ZNF141: variants seen among roughly 807,000 people sequenced by gnomAD.
ZNF141 encodes the protein zinc finger protein 141 (clone pHZ-44).
Under a neutral mutation model 11.3 loss-of-function variants are expected in ZNF141, and 7 were observed. The ratio of observed to expected loss-of-function variants is 0.62; its 90% CI spans 0.35 to 1.16. ZNF141 has a LOEUF of 1.16. Ranked by LOEUF, ZNF141 falls within the 50% of genes most tolerant of loss-of-function variation. The pLI, the probability that ZNF141 is intolerant of heterozygous loss-of-function variation, is 0.02. For missense variants in ZNF141, 535 were observed against 554.0 expected (o/e 0.97, Z 0.34); for synonymous variants, 183 against 190.7 (o/e 0.96, Z 0.33).
Position 373,836 on chromosome 4 carries a change from A to C in ZNF141, c.1399A>C (p.Asn467His). 6.2e-7 allele frequency: 1 copy of C among 1,605,806 alleles called. No individual in the cohort carries two copies. ...DKAFKRFSHL[N>H]KHKKIHT Reference sequence around the variant, plus strand: ...AGCCTTTAAACGGTTCTCACACCTGAATAAACATAAGAAAATTCATACTTG... The same window carrying C: ...AGCCTTTAAACGGTTCTCACACCTGCATAAACATAAGAAAATTCATACTTG... The change falls in exon 4 of 4, where the codon AAT (asparagine) becomes CAT (histidine). Residue 467 changes from asparagine (N) to histidine (H), a missense_variant. Coordinates refer to ENST00000240499, the MANE Select transcript of ZNF141 (RefSeq NM_003441.4).
At chr4:371,917 T>C (rs755081077) in intron 3 of ZNF141, among the ~76,000 whole-genome samples, 4 of 152,256 alleles carry the variant, frequency 2.6e-5, no homozygotes, top group Non-Finnish European at 4.4e-5. Context: ...GGTTGTTATT[T>C]GTACATTAAC....
intron 3 of ZNF141, chr4:350,364 G>C (rs1238433478): frequency 2.8e-6 from 1 of 358,702 alleles, no homozygotes; most frequent in Non-Finnish European, 5.8e-6. Context: ...TATAAAAATG[G>C]AATCATGCAT....
At chr4:372,394 A>G (rs1712111639) in intron 3 of ZNF141, among the ~76,000 whole-genome samples, 1 of 152,202 alleles carries the variant, frequency 6.6e-6, no homozygotes, top group South Asian at 2.1e-4. Context: ...TTGGTGGGTA[A>G]ATGTAACAAA....
intron 3 of ZNF141, among the ~76,000 whole-genome samples, chr4:369,764 A>ATATATATATATATATT: frequency 2.1e-5 from 1 of 48,742 alleles, no homozygotes. Flanking sequence ...ATATATATAT[A>ATATATATATATATATT]TTTTTTTTTT....
intron 3 of ZNF141, among the ~76,000 whole-genome samples, chr4:371,466 G>A (rs956294634): frequency 2.0e-5 from 3 of 151,432 alleles, no homozygotes; most frequent in African/African-American, 4.9e-5. Context: ...TCTTGACCTC[G>A]TGATCTGCCC....
Position 373,835 on chromosome 4 carries a change from G to A in ZNF141, c.1398G>A (p.Leu466=). 6.2e-7 allele frequency: 1 copy of A among 1,605,374 alleles called. No individual in the cohort carries two copies. Among genetic ancestry groups the A allele is most frequent in the Non-Finnish European group, 8.5e-7 (1 of 1,175,772 alleles). ...CDKAFKRFSH[L]NKHKKIHT ...AAGCCTTTAAACGGTTCTCACACCT[G>A]AATAAACATAAGAAAATTCATACTT... Residue 466 remains leucine, a synonymous_variant, in exon 4 of 4, where the codon CTG becomes CTA. Coordinates refer to ENST00000240499, the MANE Select transcript of ZNF141 (RefSeq NM_003441.4).
chr4:355,523 A>T (rs547680364), intron 3 of ZNF141, among the ~76,000 whole-genome samples: 311 of 152,214 alleles, frequency 2.0e-3, no homozygotes, highest in Middle Eastern at 0.014. Context: ...ATTTTTTTCT[A>T]GATGTCTATT....
Position 383,824 on chromosome 4 carries a change from T to G in ZNF141, c.*9962T>G, listed in dbSNP as rs1712773126. Reference sequence around the variant, plus strand: ...TTTGATTAGCCAAGGACCAAATCCTTCATTCAGATAAGGGGTAGCTGATAG... The same window carrying G: ...TTTGATTAGCCAAGGACCAAATCCTGCATTCAGATAAGGGGTAGCTGATAG... On this transcript the variant is annotated 3_prime_UTR_variant, in exon 4 of 4. Coordinates refer to ENST00000240499, the MANE Select transcript of ZNF141 (RefSeq NM_003441.4). 6.6e-6 allele frequency: 1 copy of G among 152,290 alleles called. No homozygotes were observed. The allele number at this position is 152,290 out of a possible 1,614,324, so 9.4% of individuals were successfully genotyped here.
At position 383,141 on chromosome 4, in the gene ZNF141, A is replaced by T. The variant is rs782554980; in HGVS notation, c.*9279A>T. The T allele has an allele frequency of 9.3e-5, 65 of 701,658 alleles. 2 individuals carry two copies. The South Asian group carries it at 9.6e-4, about 10-fold the overall frequency. 43.5% of individuals were successfully genotyped at this position (701,658 alleles called of 1,614,324 possible). ...ACAAGCCCATTTTAGCTTTCTGGAG[A>T]ATAGCATCTGAGAAAAGCCAAAGTG... On this transcript the variant is annotated 3_prime_UTR_variant, in exon 4 of 4. Coordinates refer to ENST00000240499, the MANE Select transcript of ZNF141 (RefSeq NM_003441.4).
intron 3 of ZNF141, among the ~76,000 whole-genome samples, chr4:358,929 G>C (rs2108708267): frequency 6.6e-6 from 1 of 152,234 alleles, no homozygotes; most frequent in South Asian, 2.1e-4. Flanking sequence ...ACATTTTCTA[G>C]ATCTGTGTTT....
chr4:344,730 G>T (rs1221200507), intron 3 of ZNF141, among the ~76,000 whole-genome samples: 17 of 152,114 alleles, frequency 1.1e-4, no homozygotes, highest in Non-Finnish European at 2.1e-4. Context: ...GGAGGCGGAG[G>T]TTGCAGTGAG....
At chr4:355,848 C>G (rs1721815762) in intron 3 of ZNF141, among the ~76,000 whole-genome samples, 2 of 152,168 alleles carry the variant, frequency 1.3e-5, no homozygotes, top group Non-Finnish European at 2.9e-5. Context: ...CACATCACAA[C>G]ATGACCAAAG....
chr4:376,631 T>TGTA lies in ZNF141; in HGVS notation c.*2769_*2770insGTA, dbSNP rs1712378722. ...AAACTTATACAAACTTTAGTTCCATTTACATGAAGTTAAGTATGTAAATGT... is the reference window on the plus strand; with the variant it reads ...AAACTTATACAAACTTTAGTTCCATTGTATACATGAAGTTAAGTATGTAAATGT... On this transcript the variant is annotated 3_prime_UTR_variant, in exon 4 of 4. Transcript: ENST00000240499. Among the ~76,000 whole-genome samples the TGTA allele has an allele frequency of 1.3e-5, 2 of 152,026 alleles. No homozygotes were observed. Among genetic ancestry groups the TGTA allele is most frequent in the Non-Finnish European group, 2.9e-5 (2 of 67,936 alleles).
In ZNF141 at chr4:381,887, A is replaced by C. The variant is rs1553855732; in HGVS notation, c.*8025A>C. Among the ~76,000 whole-genome samples the C allele has an allele frequency of 6.6e-6, 1 of 150,864 alleles. No individual in the cohort carries two copies. Among genetic ancestry groups the C allele is most frequent in the African/African-American group, 2.5e-5 (1 of 40,772 alleles). ...GGGCCACCAGAAGGGTCAAGATGAA[A>C]TTGCTCAGAGAAACAGGAGGGCTGA... On this transcript the variant is annotated 3_prime_UTR_variant, in exon 4 of 4. Transcript: ENST00000240499.
rs139389144 is a variant in ZNF141 at position 373,954 on chromosome 4, C to T, written c.*92C>T. 8.4e-7 allele frequency: 1 copy of T among 1,185,004 alleles called. No individual in the cohort carries two copies. The highest frequency in any genetic ancestry group is 2.3e-5 in the East Asian group (1 of 42,684). The allele number at this position is 1,185,004 out of a possible 1,614,324, so 73.4% of individuals were successfully genotyped here. ...AGAAAATTTATACTGTAGAGAAACC[C>T]TGGAAATGTGAAGAACGTGGCAAAG... is the stretch of plus-strand genomic sequence containing the variant. On this transcript the variant is annotated 3_prime_UTR_variant, in exon 4 of 4. Transcript: ENST00000240499.
intron 3 of ZNF141, among the ~76,000 whole-genome samples, chr4:364,205 T>C (rs1711618314): frequency 6.6e-6 from 1 of 152,234 alleles, no homozygotes; most frequent in Admixed American, 6.5e-5. Flanking sequence ...GCTGGCCTCA[T>C]AAAATGAGTT....
rs1560203100 is a variant in ZNF141, at chr4:378,736, C to A, written c.*4874C>A. On this transcript the variant is annotated 3_prime_UTR_variant, in exon 4 of 4. Transcript: ENST00000240499. ...GATGCATTTCATGGGCTACAGTTTT[C>A]ATTTTTACTCACCTAACTTTATCCA... is the stretch of plus-strand genomic sequence containing the variant. Among the ~76,000 whole-genome samples, 1 of 150,600 alleles carries A rather than the reference C, an allele frequency of 6.6e-6. No individual in the cohort carries two copies. The highest frequency in any genetic ancestry group is 2.1e-4 in the South Asian group (1 of 4,778).
chr4:338,949 G>A (rs1037627132), intron 1 of ZNF141, among the ~76,000 whole-genome samples: 15 of 152,214 alleles, frequency 9.9e-5, no homozygotes, highest in African/African-American at 3.6e-4. Flanking sequence ...CTGTCCTGCT[G>A]CGCACTGTTC....
chr4:338,958 T>C (rs1308115885), intron 1 of ZNF141, among the ~76,000 whole-genome samples: 1 of 152,240 alleles, frequency 6.6e-6, no homozygotes, highest in Non-Finnish European at 1.5e-5. Flanking sequence ...TGCGCACTGT[T>C]CTGTTCCTCC....
Sources: allele counts gnomAD v4.1 joint callset (sites outside exome capture counted in the v4.1 genomes callset), GRCh38; gene constraint gnomAD v4.1.1; transcripts MANE v1.5; gene names NCBI Gene and HGNC (gene_info 2026-07-23, HGNC 2026-07-21).